Variants in ZNF662 observed in about 807,000 individuals in gnomAD.
The protein encoded by ZNF662 is zinc finger protein 662.
ZNF662 carries 14 observed loss-of-function variants against 12.4 expected under a neutral mutation model. That is an observed-to-expected ratio of 1.13 (90% CI 0.75 to 1.77). ZNF662 has a LOEUF of 1.77. Among genes scored for constraint, ZNF662 ranks in the 40% most tolerant of loss-of-function variants. ZNF662 has a pLI of 0.00. For synonymous variants in ZNF662, 184 were observed against 176.4 expected (o/e 1.04, Z -0.34); for missense variants, 550 against 515.6 (o/e 1.07, Z -0.65).
chr3:42,914,554 G>T lies in ZNF662; in HGVS notation c.481G>T (p.Asp161Tyr). 1 of 1,614,164 alleles carries T rather than the reference G, an allele frequency of 6.2e-7. No homozygotes were observed. The highest frequency in any genetic ancestry group is 1.6e-4 in the Middle Eastern group (1 of 6,062). ...TNDIIEVIVK[D>Y]EMISVEESSG... ...TGATATTATAGAAGTGATTGTCAAGGATGAGATGATCTCAGTAGAAGAGAG... is the reference window on the plus strand; with the variant it reads ...TGATATTATAGAAGTGATTGTCAAGTATGAGATGATCTCAGTAGAAGAGAG... The change falls in exon 5 of 5, where the codon GAT (aspartate) becomes TAT (tyrosine). Residue 161 changes from aspartate to tyrosine, a missense_variant. Transcript: ENST00000440367.
Position 42,915,271 on chromosome 3 carries a change from A to G in ZNF662, c.1198A>G (p.Asn400Asp). Residue 400 changes from asparagine (N) to aspartate (D), a missense_variant, in exon 5 of 5, where the codon AAT becomes GAT. Coordinates refer to ENST00000440367, the MANE Select transcript of ZNF662 (RefSeq NM_207404.4). Reference sequence around the variant, plus strand: ...TGACTGTGGGAAGGCCTTCAGTCAGAATTCTGTCTTAATTAAGCACCAGAG... The same window carrying G: ...TGACTGTGGGAAGGCCTTCAGTCAGGATTCTGTCTTAATTAAGCACCAGAG... ...CNDCGKAFSQNSVLIKHQRRH... is the reference protein window; with the variant it reads ...CNDCGKAFSQDSVLIKHQRRH... 1 of 1,613,492 alleles carries G rather than the reference A, an allele frequency of 6.2e-7. No individual in the cohort carries two copies. Among genetic ancestry groups the G allele is most frequent in the South Asian group, 1.1e-5 (1 of 90,950 alleles).
At position 42,906,146 on chromosome 3, in the gene ZNF662, TC is replaced by T; in HGVS notation, c.-113del. The T allele has an allele frequency of 1.9e-6, 1 of 522,402 alleles. No individual in the cohort carries two copies. The highest frequency in any genetic ancestry group is 3.3e-6 in the Non-Finnish European group (1 of 301,924). 32.4% of individuals were successfully genotyped at this position (522,402 alleles called of 1,614,324 possible). A position where few individuals can be genotyped will look rare whatever the true frequency, so the allele number is the denominator to read the frequency against. ...AACCGGAGCGGCCCGAGCCCCGGCC[TC>T]CCGGATGCTGGGGCCTGGCGGGTGT... On this transcript the variant is annotated 5_prime_UTR_variant, in exon 1 of 5. Transcript: ENST00000440367. The surrounding 1 kb of genome is among the most constrained non-coding windows in gnomAD (Gnocchi z 4.4).
At chr3:42,912,703 T>G (rs1434357434) in intron 3 of ZNF662, among the ~76,000 whole-genome samples, 1,049 of 92,262 alleles carry the variant, frequency 0.011, 41 homozygotes, top group Non-Finnish European at 0.018. Context: ...ATTTTATATA[T>G]ATAAATATAT....
chr3:42,917,766 C>G lies in ZNF662; in HGVS notation c.*2412C>G, dbSNP rs1411113124. On this transcript the variant is annotated 3_prime_UTR_variant, in exon 5 of 5. Transcript: ENST00000440367. ...TCCTCTTGCTCAGTAGTCTCATAAGCTTCTCAGTTTTATCTCATCTCAGTT... is the reference window on the plus strand; with the variant it reads ...TCCTCTTGCTCAGTAGTCTCATAAGGTTCTCAGTTTTATCTCATCTCAGTT... 5.1e-6 allele frequency: 3 copies of G among 586,882 alleles called. No homozygotes were observed. Among genetic ancestry groups the G allele is most frequent in the Non-Finnish European group, 9.0e-6 (3 of 334,854 alleles). 36.4% of individuals were successfully genotyped at this position (586,882 alleles called of 1,614,324 possible). A position where few individuals can be genotyped will look rare whatever the true frequency, so the allele number is the denominator to read the frequency against.
intron 3 of ZNF662, among the ~76,000 whole-genome samples, chr3:42,912,693 A>ATATATATAAATATATATATATT (rs377231571): frequency 1.5e-4 from 8 of 53,092 alleles, no homozygotes; most frequent in African/African-American, 5.9e-4. Context: ...ATATATATAT[A>ATATATATAAATATATATATATT]TTTTATATAT....
In ZNF662 at chr3:42,909,677, GCGGCTGGGCGGGGGCTGCCCCCCACCTCC is replaced by G. The variant is rs1487847595; in HGVS notation, c.151+772_151+800del. Among the ~76,000 whole-genome samples, 6 of 147,456 alleles carry G rather than the reference GCGGCTGGGCGGGGGCTGCCCCCCACCTCC, an allele frequency of 4.1e-5. No individual in the cohort carries two copies. The South Asian group carries it at 1.1e-3, about 26-fold the overall frequency. On this transcript the variant is annotated intron_variant, in intron 3 of 4. Transcript: ENST00000440367. ...GCCCCCCCACCTCCCAGACGGGGCAGCGGCTGGGCGGGGGCTGCCCCCCACCTCCCGGAGGGGGCGGCTGGCCGGGCGGA... is the reference window on the plus strand; with the variant it reads ...GCCCCCCCACCTCCCAGACGGGGCAGCGGAGGGGGCGGCTGGCCGGGCGGA...
intron 3 of ZNF662, among the ~76,000 whole-genome samples, chr3:42,912,674 TATATATAAATATATATATATTTTA>T (rs2088832631): frequency 4.4e-5 from 1 of 22,536 alleles, no homozygotes; most frequent in African/African-American, 9.8e-5. Flanking sequence ...ATATTTTTTA[TATATATAAATATATATATATTTTA>T]TATATATAAA....
At position 42,919,106 on chromosome 3, in the gene ZNF662, A is replaced by AAAAT. The variant is rs2088924130; in HGVS notation, c.*3752_*3753insAAAT. On this transcript the variant is annotated 3_prime_UTR_variant, in exon 5 of 5. Transcript: ENST00000440367. ...GAATATTGATCCAGATTTTTACATT[A>AAAAT]CTCATCCCTTTTGCTGCTTCTGAGC... Among the ~76,000 whole-genome samples the AAAAT allele has an allele frequency of 6.6e-6, 1 of 152,170 alleles. No homozygotes were observed. The highest frequency in any genetic ancestry group is 2.4e-5 in the African/African-American group (1 of 41,450).
At chr3:42,907,748 A>G (rs1001560456) in intron 1 of ZNF662, 45 of 985,342 alleles carry the variant, frequency 4.6e-5, no homozygotes, top group Non-Finnish European at 5.4e-5. Flanking sequence ...GGTTTGGGGT[A>G]TAAGGATGAA....
intron 2 of ZNF662, 47 bp downstream of exon 2, chr3:42,908,195 C>T: frequency 6.4e-7 from 1 of 1,571,070 alleles, no homozygotes; most frequent in Non-Finnish European, 8.6e-7. Context: ...TGAGAGTTTG[C>T]TGGCTCCTTT....
At position 42,909,801 on chromosome 3, in the gene ZNF662, G is replaced by A. The variant is rs376899767; in HGVS notation, c.151+892G>A. On this transcript the variant is annotated intron_variant, in intron 3 of 4. Transcript: ENST00000440367. The stretch of plus-strand genomic sequence containing the variant: ...CTCACCTCCCAGATGGCGTGGCGGC[G>A]GGGCAGAGACACTCCTCAGTTCCCA... Among the ~76,000 whole-genome samples the A allele has an allele frequency of 8.7e-4, 131 of 150,246 alleles. No homozygotes were observed. The Middle Eastern group carries it at 0.017, about 20-fold the overall frequency.
rs534406542 is a variant in ZNF662 at position 42,912,450 on chromosome 3, T to C, written c.152-751T>C. 1.6e-3 allele frequency among the ~76,000 whole-genome samples: 137 copies of C among 87,898 alleles called. 4 individuals are homozygous for C. In the East Asian group the frequency reaches 0.034, roughly 22 times the overall value. The allele number at this position is 87,898 out of a possible 152,430, so 57.7% of individuals were successfully genotyped here. A position where few individuals can be genotyped will look rare whatever the true frequency, so the allele number is the denominator to read the frequency against. On this transcript the variant is annotated intron_variant, in intron 3 of 4. Transcript: ENST00000440367. ...ATATATATAATATTTTTGTATATTA[T>C]ATATTATATGTTATAATATATATTT...
chr3:42,909,292 A>G (rs1016286434), intron 3 of ZNF662, among the ~76,000 whole-genome samples: 1 of 152,176 alleles, frequency 6.6e-6, no homozygotes, highest in Non-Finnish European at 1.5e-5. Context: ...TCCTTCAAGC[A>G]TCTGTTTAAC....
At position 42,915,523 on chromosome 3, in the gene ZNF662, T is replaced by A; in HGVS notation, c.*169T>A. The A allele has an allele frequency of 1.6e-6, 1 of 617,470 alleles. No homozygotes were observed. The highest frequency in any genetic ancestry group is 2.7e-6 in the Non-Finnish European group (1 of 373,010). 38.2% of individuals were successfully genotyped at this position (617,470 alleles called of 1,614,324 possible). ...TCTAGCAAGACTGGTCCCTCTGTTC[T>A]ATGATGTTTTAACAAGGCATCATTT... On this transcript the variant is annotated 3_prime_UTR_variant, in exon 5 of 5. Transcript: ENST00000440367.
chr3:42,913,148 T>C, intron 3 of ZNF662, 53 bp from the exon 4 acceptor site: 1 of 1,313,350 alleles, frequency 7.6e-7, no homozygotes, highest in Non-Finnish European at 1.1e-6. Context: ...CTTTTCCTGA[T>C]GGGCCTCACT....
rs775648224 is a variant in ZNF662 at position 42,908,163 on chromosome 3, C to T, written c.34+15C>T. 1.2e-6 allele frequency: 2 copies of T among 1,607,954 alleles called. No individual in the cohort carries two copies. The highest frequency in any genetic ancestry group is 2.2e-5 in the South Asian group (2 of 90,422). On this transcript the variant is annotated intron_variant, in intron 2 of 4. Coordinates refer to ENST00000440367, the MANE Select transcript of ZNF662 (RefSeq NM_207404.4). Reference sequence around the variant, plus strand: ...GGCTTCCCTGGGTAAGGGTCTCTCCCTTTGGGCCCTGCCTCCACCCTTGAG... The same window carrying T: ...GGCTTCCCTGGGTAAGGGTCTCTCCTTTTGGGCCCTGCCTCCACCCTTGAG...
rs1409612016 is a variant in ZNF662 at position 42,914,682 on chromosome 3, A to G, written c.609A>G (p.Gln203=). ...ICEECGKCFD[Q]NEDFDQHQKT... Reference sequence around the variant, plus strand: ...AGGAATGCGGCAAGTGTTTTGATCAAAATGAGGACTTTGATCAACACCAGA... The same window carrying G: ...AGGAATGCGGCAAGTGTTTTGATCAGAATGAGGACTTTGATCAACACCAGA... The change falls in exon 5 of 5, where the codon CAA becomes CAG. Residue 203 remains glutamine, a synonymous_variant. Coordinates refer to ENST00000440367, the MANE Select transcript of ZNF662 (RefSeq NM_207404.4). 1 of 1,614,254 alleles carries G rather than the reference A, an allele frequency of 6.2e-7. No individual in the cohort carries two copies. Among genetic ancestry groups the G allele is most frequent in the Admixed American group, 1.7e-5 (1 of 60,030 alleles).
rs77247576 is a variant in ZNF662, at chr3:42,913,300, C to T, written c.251C>T (p.Pro84Leu). The change falls in exon 4 of 5, where the codon CCG becomes CTG. Residue 84 changes from proline to leucine, a missense_variant and splice_region_variant. Physicochemically the swap from Pro to Leu is moderately conservative, Grantham distance 98 (BLOSUM62 -3). Coordinates refer to ENST00000440367, the MANE Select transcript of ZNF662 (RefSeq NM_207404.4). Reference sequence around the variant, plus strand: ...GGAGAGGGTCCAAGCCTGATTTGTCCGGGTAAGTGAGAGGGAAATGAGCAT... The same window carrying T: ...GGAGAGGGTCCAAGCCTGATTTGTCTGGGTAAGTGAGAGGGAAATGAGCAT... ...LQGEGPSLIC[P>L]EGVLKRKKED... 1.8e-3 allele frequency: 2,901 copies of T among 1,611,168 alleles called. 92 individuals carry two copies. The East Asian group carries it at 0.053, about 29-fold the overall frequency.
At chr3:42,912,671 T>TATATATATATATTTA (rs1553609512) in intron 3 of ZNF662, among the ~76,000 whole-genome samples, 1 of 46,078 alleles carries the variant, frequency 2.2e-5, no homozygotes, top group African/African-American at 9.6e-5. Context: ...TATATATTTT[T>TATATATATATATTTA]TATATATATA....
Sources: allele counts gnomAD v4.1 joint callset (sites outside exome capture counted in the v4.1 genomes callset), GRCh38; gene constraint gnomAD v4.1.1; non-coding constraint Gnocchi (gnomAD v3.1); transcripts MANE v1.5; gene names NCBI Gene and HGNC (gene_info 2026-07-23, HGNC 2026-07-21).